TENM3: variants seen among roughly 807,000 people sequenced by gnomAD.
TENM3 encodes teneurin-3.
A neutral mutation model predicts 255.1 loss-of-function variants in TENM3; 63 were observed. The observed-to-expected ratio is 0.25, with a 90% CI of 0.20 to 0.30. TENM3 has a LOEUF of 0.30. Among genes scored for constraint, TENM3 ranks in the 10% least tolerant of loss-of-function variants. The pLI is 1.00. For missense variants in TENM3, 2,929 were observed against 3,461.1 expected (o/e 0.85, Z 3.86); for synonymous variants, 1,306 against 1,322.3 (o/e 0.99, Z 0.27).
chr4:181,737,935 G>A, the TENM3 span, among the ~76,000 whole-genome samples: 10 of 150,896 alleles, frequency 6.6e-5, no homozygotes, highest in Admixed American at 2.0e-4. Flanking sequence ...CTCGTATCTG[G>A]GGAGTACTAC....
At chr4:182,706,499 G>T (rs1758292803) in intron 12 of TENM3, among the ~76,000 whole-genome samples, 1 of 152,164 alleles carries the variant, frequency 6.6e-6, no homozygotes, top group Non-Finnish European at 1.5e-5. Flanking sequence ...GAAGGATGTT[G>T]TAAATAAGGT....
At chr4:181,479,654 C>T in the TENM3 span, among the ~76,000 whole-genome samples, 6 of 151,960 alleles carry the variant, frequency 3.9e-5, no homozygotes, top group Non-Finnish European at 8.8e-5. Context: ...ATTAATAGGA[C>T]TCATTTTAAC....
At chr4:182,051,054 CAA>C in the TENM3 span, among the ~76,000 whole-genome samples, 138 of 152,038 alleles carry the variant, frequency 9.1e-4, no homozygotes, top group African/African-American at 3.3e-3. Flanking sequence ...GAGATAAAAG[CAA>C]ATGAAGTCTG....
chr4:181,986,668 T>G, the TENM3 span, among the ~76,000 whole-genome samples: 1 of 152,024 alleles, frequency 6.6e-6, no homozygotes, highest in African/African-American at 2.4e-5. Context: ...CAGCCCACTC[T>G]CACTCCCCCT....
At chr4:181,729,884 C>G in the TENM3 span, among the ~76,000 whole-genome samples, 6 of 152,192 alleles carry the variant, frequency 3.9e-5, no homozygotes, top group Non-Finnish European at 8.8e-5. Context: ...TACCTGGCCA[C>G]ACGATGTCTG....
At chr4:182,532,991 A>C (rs965696923) in intron 3 of TENM3, among the ~76,000 whole-genome samples, 2 of 152,200 alleles carry the variant, frequency 1.3e-5, no homozygotes, top group Non-Finnish European at 2.9e-5. Flanking sequence ...ATTATTTCCC[A>C]AGGGTACAAG....
the TENM3 span, among the ~76,000 whole-genome samples, chr4:181,569,371 T>A: frequency 6.6e-6 from 1 of 152,342 alleles, no homozygotes; most frequent in South Asian, 2.1e-4. Context: ...TAAATCCTGT[T>A]ACTATTATAC....
At chr4:182,074,649 G>T in the TENM3 span, among the ~76,000 whole-genome samples, 8 of 152,160 alleles carry the variant, frequency 5.3e-5, no homozygotes, top group Non-Finnish European at 1.2e-4. Context: ...AGGCGGTGTG[G>T]GGCAGCAGTG....
chr4:182,619,095 G>A lies in TENM3; in HGVS notation c.750-9556G>A, dbSNP rs546163086. On this transcript the variant is annotated intron_variant, in intron 4 of 27. Transcript: ENST00000511685. ...TGAGGAAATTCAGTCAATTTGCAAC[G>A]TGACCCATAGAGGTATACATCATGG... 1.6e-4 allele frequency among the ~76,000 whole-genome samples: 24 copies of A among 152,188 alleles called. 2 individuals carry two copies. In the South Asian group the frequency reaches 4.2e-3, roughly 26 times the overall value.
chr4:182,144,867 G>A (rs1161395634), intron 1 of TENM3: 4 of 151,572 alleles, frequency 2.6e-5, no homozygotes, highest in African/African-American at 7.3e-5. Flanking sequence ...GCCCCGGGAG[G>A]CGGCGGACGC....
intron 12 of TENM3, among the ~76,000 whole-genome samples, chr4:182,701,290 G>T (rs1042676194): frequency 6.3e-5 from 8 of 126,280 alleles, no homozygotes; most frequent in African/African-American, 2.5e-4. Context: ...GCACGATCTC[G>T]GCTCACTGCA....
chr4:182,064,618 T>TG, the TENM3 span, among the ~76,000 whole-genome samples: 2 of 151,414 alleles, frequency 1.3e-5, no homozygotes, highest in African/African-American at 4.9e-5. Context: ...GAGTAACCAA[T>TG]GGGGACCCAT....
At chr4:181,920,423 A>G in the TENM3 span, among the ~76,000 whole-genome samples, 1 of 152,084 alleles carries the variant, frequency 6.6e-6, no homozygotes, top group East Asian at 1.9e-4. Flanking sequence ...AATGATTGCC[A>G]TTCTAACTGG....
At chr4:181,477,680 A>G in the TENM3 span, among the ~76,000 whole-genome samples, 1 of 152,178 alleles carries the variant, frequency 6.6e-6, no homozygotes, top group Non-Finnish European at 1.5e-5. Context: ...AGGGCTTGAA[A>G]TCCTCAGTCA....
At chr4:181,595,317 G>C in the TENM3 span, among the ~76,000 whole-genome samples, 1 of 151,018 alleles carries the variant, frequency 6.6e-6, no homozygotes, top group Non-Finnish European at 1.5e-5. Flanking sequence ...TGTAATCTCA[G>C]ATACTTGGGA....
At chr4:181,647,192 A>G in the TENM3 span, among the ~76,000 whole-genome samples, 2 of 152,332 alleles carry the variant, frequency 1.3e-5, no homozygotes, top group East Asian at 3.9e-4. Flanking sequence ...CCAAGCAACA[A>G]CTTCACAGAT....
intron 3 of TENM3, among the ~76,000 whole-genome samples, chr4:182,554,183 C>T (rs1410397390): frequency 6.6e-6 from 1 of 152,164 alleles, no homozygotes; most frequent in Non-Finnish European, 1.5e-5. Flanking sequence ...TGAGTTTTAT[C>T]TCTTCTTCAT....
At chr4:182,796,816 A>G (rs1766526243) in intron 27 of TENM3, 49 bp downstream of exon 27, 2 of 1,415,648 alleles carry the variant, frequency 1.4e-6, no homozygotes, top group Non-Finnish European at 1.9e-6. Context: ...CTTGTGTCTT[A>G]TCTACCCATA....
intron 13 of TENM3, among the ~76,000 whole-genome samples, chr4:182,728,282 T>C (rs1561167099): frequency 6.6e-6 from 1 of 152,214 alleles, no homozygotes; most frequent in South Asian, 2.1e-4. Context: ...TAGATTCCTA[T>C]TTATCATACA....
Sources: allele counts gnomAD v4.1 joint callset (sites outside exome capture counted in the v4.1 genomes callset), GRCh38; gene constraint gnomAD v4.1.1; transcripts MANE v1.5; gene names NCBI Gene and HGNC (gene_info 2026-07-23, HGNC 2026-07-21).